Variants in PPP1CB observed in about 807,000 individuals in gnomAD.
The protein encoded by PPP1CB is serine/threonine-protein phosphatase PP1-beta catalytic subunit.
PPP1CB carries 2 observed loss-of-function variants against 43.7 expected under a neutral mutation model. The observed-to-expected ratio is 0.05, with a 90% CI of 0.02 to 0.14. PPP1CB has a LOEUF of 0.14. Ranked by LOEUF, PPP1CB falls within the 10% of genes least tolerant of loss-of-function variation. The pLI is 1.00. For synonymous variants in PPP1CB, 136 were observed against 135.6 expected, an observed-to-expected ratio of 1.00 and a Z score of -0.02; for missense variants, 84 against 398.0, an observed-to-expected ratio of 0.21 and a Z score of 6.71.
rs1667577198 is a variant in PPP1CB at position 28,800,055 on chromosome 2, T to C, written c.*752T>C. On this transcript the variant is annotated 3_prime_UTR_variant, in exon 8 of 8. Transcript: ENST00000395366. ...TTTTTAACTTATTGATGCTCTATTGTGCAGTAGCATTTCATTTAAGATAAG... is the reference window on the plus strand; with the variant it reads ...TTTTTAACTTATTGATGCTCTATTGCGCAGTAGCATTTCATTTAAGATAAG... The C allele has an allele frequency of 6.6e-6, 1 of 152,458 alleles. No individual in the cohort carries two copies. Among genetic ancestry groups the C allele is most frequent in the African/African-American group, 2.4e-5 (1 of 41,440 alleles). The allele number at this position is 152,458 out of a possible 1,614,324, so 9.4% of individuals were successfully genotyped here. A position where few individuals can be genotyped will look rare whatever the true frequency, so the allele number is the denominator to read the frequency against.
chr2:28,787,358 C>T (rs1667293037), intron 5 of PPP1CB, among the ~76,000 whole-genome samples: 1 of 152,166 alleles, frequency 6.6e-6, no homozygotes, highest in Non-Finnish European at 1.5e-5. Context: ...ACTCGGGAGG[C>T]TGAGGCAGGA....
At position 28,782,125 on chromosome 2, in the gene PPP1CB, A is replaced by G. The variant is rs565115064; in HGVS notation, c.520+283A>G. On this transcript the variant is annotated intron_variant, in intron 4 of 7. Coordinates refer to ENST00000395366, the MANE Select transcript of PPP1CB (RefSeq NM_002709.3). ...GTTTTAACAGAAAGACACCCCTGCT[A>G]TTTATTAGTAAAAATGAGAGGATAT... The G allele has an allele frequency of 1.2e-4, 44 of 376,264 alleles. No homozygotes were observed. The Middle Eastern group carries it at 2.4e-3, about 21-fold the overall frequency. 23.3% of individuals were successfully genotyped at this position (376,264 alleles called of 1,614,324 possible). A position where few individuals can be genotyped will look rare whatever the true frequency, so the allele number is the denominator to read the frequency against.
intron 3 of PPP1CB, among the ~76,000 whole-genome samples, chr2:28,780,595 C>G (rs1667138796): frequency 6.6e-6 from 1 of 152,008 alleles, no homozygotes; most frequent in African/African-American, 2.4e-5. Flanking sequence ...GCAAGAATGT[C>G]TTTGGGGATA....
At position 28,800,826 on chromosome 2, in the gene PPP1CB, C is replaced by T. The variant is rs1667599469; in HGVS notation, c.*1523C>T. 6.6e-6 allele frequency: 1 copy of T among 152,380 alleles called. No homozygotes were observed. 9.4% of individuals were successfully genotyped at this position (152,380 alleles called of 1,614,324 possible). A position where few individuals can be genotyped will look rare whatever the true frequency, so the allele number is the denominator to read the frequency against. ...GCTACCATAGATGTGACATTTTTGA[C>T]CTTAATATCGTCTTTGAAAATGTTA... is the stretch of plus-strand genomic sequence containing the variant. On this transcript the variant is annotated 3_prime_UTR_variant, in exon 8 of 8. Coordinates refer to ENST00000395366, the MANE Select transcript of PPP1CB (RefSeq NM_002709.3).
intron 6 of PPP1CB, among the ~76,000 whole-genome samples, chr2:28,791,798 A>G (rs1044112872): frequency 5.9e-5 from 9 of 152,192 alleles, no homozygotes; most frequent in African/African-American, 2.2e-4. Context: ...ATAAATGATG[A>G]TTTTTAAAAA....
intron 1 of PPP1CB, among the ~76,000 whole-genome samples, chr2:28,766,488 A>T (rs1312102973): frequency 6.6e-6 from 1 of 152,322 alleles, no homozygotes; most frequent in East Asian, 1.9e-4. Context: ...TACCATCATC[A>T]GTTGTGACAT....
At chr2:28,773,390 C>G (rs1028907543) in intron 1 of PPP1CB, among the ~76,000 whole-genome samples, 1 of 152,112 alleles carries the variant, frequency 6.6e-6, no homozygotes, top group Non-Finnish European at 1.5e-5. Flanking sequence ...CTTCTCACTC[C>G]TATCAGTCTT....
In PPP1CB at chr2:28,801,678, A is replaced by G. The variant is rs140101008; in HGVS notation, c.*2375A>G. ...ATGATTCTGTAATTCCAGTGTCACTAATTTATATTGTTCTTTCCTCTGATT... is the reference window on the plus strand; with the variant it reads ...ATGATTCTGTAATTCCAGTGTCACTGATTTATATTGTTCTTTCCTCTGATT... On this transcript the variant is annotated 3_prime_UTR_variant, in exon 8 of 8. Coordinates refer to ENST00000395366, the MANE Select transcript of PPP1CB (RefSeq NM_002709.3). 2.8e-3 allele frequency: 424 copies of G among 152,256 alleles called. 4 individuals are homozygous for G. Among genetic ancestry groups the G allele is most frequent in the African/African-American group, 9.6e-3 (400 of 41,544 alleles). 9.4% of individuals were successfully genotyped at this position (152,256 alleles called of 1,614,324 possible).
rs370579366 is a variant in PPP1CB at position 28,752,163 on chromosome 2, C to G, written c.39C>G (p.Thr13=). The G allele has an allele frequency of 2.6e-6, 4 of 1,547,900 alleles. No homozygotes were observed. Among genetic ancestry groups the G allele is most frequent in the Non-Finnish European group, 3.5e-6 (4 of 1,145,264 alleles). The change falls in exon 1 of 8, where the codon ACC becomes ACG. Residue 13 remains threonine, a synonymous_variant. Coordinates refer to ENST00000395366, the MANE Select transcript of PPP1CB (RefSeq NM_002709.3). ...DGELNVDSLI[T]RLLEVRGCRP... ...AGCTGAACGTGGACAGCCTCATCAC[C>G]CGGCTGCTGGAGGGTGAGTGCGCGC...
chr2:28,780,501 A>G (rs1016315840), intron 3 of PPP1CB, among the ~76,000 whole-genome samples: 1 of 152,218 alleles, frequency 6.6e-6, no homozygotes, highest in Admixed American at 6.5e-5. Flanking sequence ...GCAGAGAGAA[A>G]GTGGGTTGGA....
intron 1 of PPP1CB, among the ~76,000 whole-genome samples, chr2:28,768,362 A>G (rs1666828317): frequency 6.6e-6 from 1 of 152,318 alleles, no homozygotes; most frequent in African/African-American, 2.4e-5. Flanking sequence ...AGAGGAGAGA[A>G]CCACATAAAA....
At chr2:28,785,487 A>G (rs1021268881) in intron 5 of PPP1CB, among the ~76,000 whole-genome samples, 3 of 152,048 alleles carry the variant, frequency 2.0e-5, no homozygotes, top group Admixed American at 1.3e-4. Context: ...TAAACCTAAC[A>G]AACTGGTATT....
In PPP1CB at chr2:28,792,694, T is replaced by G. The variant is rs186212551; in HGVS notation, c.745-1169T>G. 5.2e-4 allele frequency among the ~76,000 whole-genome samples: 79 copies of G among 152,360 alleles called. 2 individuals carry two copies. The highest frequency in any genetic ancestry group is 3.4e-3 in the Middle Eastern group (1 of 294). On this transcript the variant is annotated intron_variant, in intron 6 of 7. Coordinates refer to ENST00000395366, the MANE Select transcript of PPP1CB (RefSeq NM_002709.3). ...ATGTTCCTAGTACTGAGGTAGGAGT[T>G]ATTTTAATAAGTAAATGCCTTCGTA...
intron 1 of PPP1CB, among the ~76,000 whole-genome samples, chr2:28,752,504 G>A (rs944792751): frequency 6.6e-6 from 1 of 152,214 alleles, no homozygotes; most frequent in Non-Finnish European, 1.5e-5. Flanking sequence ...GCGCCGTGGT[G>A]CTCGCCTCCG....
chr2:28,772,844 G>A (rs909964768), intron 1 of PPP1CB, among the ~76,000 whole-genome samples: 6 of 152,000 alleles, frequency 3.9e-5, no homozygotes, highest in Admixed American at 3.3e-4. Flanking sequence ...AAAAGGTTTC[G>A]GTTTTGGAGC....
chr2:28,758,369 T>C (rs376725436), intron 1 of PPP1CB, among the ~76,000 whole-genome samples: 11 of 152,320 alleles, frequency 7.2e-5, no homozygotes, highest in Admixed American at 2.6e-4. Flanking sequence ...AATTCTGTTA[T>C]GTATTTCTGA....
chr2:28,764,678 G>A (rs1283097948), intron 1 of PPP1CB, among the ~76,000 whole-genome samples: 2 of 151,892 alleles, frequency 1.3e-5, no homozygotes, highest in Non-Finnish European at 2.9e-5. Flanking sequence ...AGATTACTAA[G>A]ATTTTATGAG....
chr2:28,760,447 G>A (rs906043233), intron 1 of PPP1CB, among the ~76,000 whole-genome samples: 2 of 152,208 alleles, frequency 1.3e-5, no homozygotes, highest in African/African-American at 4.8e-5. Flanking sequence ...GTAGCCTGCA[G>A]TATTCAGTAC....
At chr2:28,765,256 A>G (rs1666753892) in intron 1 of PPP1CB, among the ~76,000 whole-genome samples, 1 of 152,220 alleles carries the variant, frequency 6.6e-6, no homozygotes, top group Non-Finnish European at 1.5e-5. Context: ...CTCTGTCATC[A>G]AAACTGATTG....
Sources: allele counts gnomAD v4.1 joint callset (sites outside exome capture counted in the v4.1 genomes callset), GRCh38; gene constraint gnomAD v4.1.1; transcripts MANE v1.5; gene names NCBI Gene and HGNC (gene_info 2026-07-23, HGNC 2026-07-21).